COLEC10: variants seen among roughly 807,000 people sequenced by gnomAD.
COLEC10 encodes the protein collectin-10.
A neutral mutation model predicts 28.4 loss-of-function variants in COLEC10; 22 were observed. That is an observed-to-expected ratio of 0.78 (90% confidence interval 0.55 to 1.11). The LOEUF is 1.11. COLEC10 is among the 50% of genes least tolerant of loss of function. The pLI is 0.00. For missense variants in COLEC10, 361 were observed against 344.1 expected, an observed-to-expected ratio of 1.05 and a Z score of -0.39; for synonymous variants, 125 against 116.1, an observed-to-expected ratio of 1.08 and a Z score of -0.49.
chr8:118,973,469 G>A, the COLEC10 span, among the ~76,000 whole-genome samples: 1 of 152,030 alleles, frequency 6.6e-6, no homozygotes. Context: ...CTTTTTGGCT[G>A]TTGGTCGGAG....
intron 1 of COLEC10, among the ~76,000 whole-genome samples, chr8:119,080,692 A>T (rs969458359): frequency 3.3e-5 from 5 of 152,186 alleles, no homozygotes; most frequent in Non-Finnish European, 7.4e-5. Flanking sequence ...AAGGATGTAT[A>T]AAATGAAGAT....
At chr8:119,023,789 T>C (rs1407234470) in intron 2 of COLEC10, among the ~76,000 whole-genome samples, 5 of 152,198 alleles carry the variant, frequency 3.3e-5, no homozygotes, top group African/African-American at 1.2e-4. Flanking sequence ...CTATGAAAGC[T>C]ACAATTGTAT....
chr8:119,051,875 G>T (rs1814681971), intron 2 of COLEC10, among the ~76,000 whole-genome samples: 1 of 152,100 alleles, frequency 6.6e-6, no homozygotes, highest in South Asian at 2.1e-4. Context: ...AGGCTTTGGG[G>T]CTTGAATCCT....
At chr8:119,046,330 C>T (rs776858639) in intron 2 of COLEC10, among the ~76,000 whole-genome samples, 3 of 152,218 alleles carry the variant, frequency 2.0e-5, no homozygotes, top group Non-Finnish European at 2.9e-5. Flanking sequence ...TCCTACTCAA[C>T]GTGTGTCACT....
At chr8:118,953,320 T>A in the COLEC10 span, among the ~76,000 whole-genome samples, 1 of 152,232 alleles carries the variant, frequency 6.6e-6, no homozygotes, top group African/African-American at 2.4e-5. Context: ...TGAATCGTAG[T>A]TTTGACATCT....
At chr8:119,102,538 G>C in intron 4 of COLEC10, 137 bp downstream of exon 4, 1 of 683,208 alleles carries the variant, frequency 1.5e-6, no homozygotes, top group Non-Finnish European at 2.4e-6. Flanking sequence ...TAGAAGAAAG[G>C]GAAGAAGGGG....
rs182928301 is a variant in COLEC10, at chr8:119,098,305, T to A, written c.293-4043T>A. 4.1e-4 allele frequency among the ~76,000 whole-genome samples: 63 copies of A among 152,210 alleles called. 1 individual carries two copies. Among genetic ancestry groups the A allele is most frequent in the African/African-American group, 1.5e-3 (63 of 41,576 alleles). ...ACAAGAAAGGCTCAAGAGTTTTTAG[T>A]ACGATTAGCTGAGCCCCAAAGTGGA... is the stretch of plus-strand genomic sequence containing the variant. On this transcript the variant is annotated intron_variant, in intron 3 of 5. Transcript: ENST00000332843.
intron 1 of COLEC10, among the ~76,000 whole-genome samples, chr8:119,083,038 T>C (rs1428501098): frequency 6.6e-6 from 1 of 152,190 alleles, no homozygotes; most frequent in Non-Finnish European, 1.5e-5. Context: ...GTGTTTGTAC[T>C]AGTAAAGAAA....
intron 1 of COLEC10, among the ~76,000 whole-genome samples, chr8:119,073,953 T>C (rs892444409): frequency 1.4e-4 from 17 of 120,624 alleles, no homozygotes; most frequent in African/African-American, 4.7e-4. Context: ...TATATACACA[T>C]ATATACACAT....
chr8:119,059,103 G>A (rs188759790), intron 2 of COLEC10, among the ~76,000 whole-genome samples: 2 of 151,986 alleles, frequency 1.3e-5, no homozygotes, highest in East Asian at 3.9e-4. Context: ...TTATCATTTA[G>A]CCAAGCACAA....
the COLEC10 span, among the ~76,000 whole-genome samples, chr8:118,963,464 G>T: frequency 6.6e-6 from 1 of 152,130 alleles, no homozygotes; most frequent in Non-Finnish European, 1.5e-5. Context: ...TTCAACTCAA[G>T]GAGCTCTCTC....
chr8:119,093,649 C>T (rs1815655493), intron 3 of COLEC10, among the ~76,000 whole-genome samples: 1 of 152,142 alleles, frequency 6.6e-6, no homozygotes, highest in African/African-American at 2.4e-5. Context: ...AATAGTGCTT[C>T]TTAACATTTT....
the COLEC10 span, among the ~76,000 whole-genome samples, chr8:118,975,849 A>C: frequency 3.3e-5 from 5 of 152,028 alleles, no homozygotes; most frequent in African/African-American, 1.2e-4. Context: ...GGTAGTGTTA[A>C]TTCTGTAAAC....
At chr8:119,042,714 G>A (rs1208083645) in intron 2 of COLEC10, among the ~76,000 whole-genome samples, 1 of 152,174 alleles carries the variant, frequency 6.6e-6, no homozygotes, top group Non-Finnish European at 1.5e-5. Flanking sequence ...AAACTTGGCT[G>A]AGTGATTCAT....
At chr8:119,079,012 C>CGT (rs1815311765) in intron 1 of COLEC10, among the ~76,000 whole-genome samples, 1 of 104,484 alleles carries the variant, frequency 9.6e-6, no homozygotes, top group Non-Finnish European at 2.1e-5. Flanking sequence ...CACACACACA[C>CGT]ACACACACAC....
At chr8:119,097,332 G>T (rs371992436) in intron 3 of COLEC10, among the ~76,000 whole-genome samples, 1 of 151,642 alleles carries the variant, frequency 6.6e-6, no homozygotes, top group African/African-American at 2.4e-5. Context: ...ATCTGACTAC[G>T]TTATCCCTCT....
the COLEC10 span, among the ~76,000 whole-genome samples, chr8:118,953,373 G>C: frequency 7.2e-5 from 11 of 152,196 alleles, no homozygotes; most frequent in Non-Finnish European, 1.3e-4. Flanking sequence ...TGGGACTCAA[G>C]TCAATCCAAG....
the COLEC10 span, among the ~76,000 whole-genome samples, chr8:118,958,694 G>A: frequency 2.6e-5 from 4 of 152,162 alleles, no homozygotes; most frequent in Admixed American, 6.5e-5. Context: ...GAGACCTTTC[G>A]CTGCTCAGTT....
intron 1 of COLEC10, among the ~76,000 whole-genome samples, chr8:119,074,974 G>C (rs1381404793): frequency 6.6e-6 from 1 of 152,208 alleles, no homozygotes; most frequent in Non-Finnish European, 1.5e-5. Flanking sequence ...GCCGCGTAAA[G>C]CTCTTAGCAC....
Sources: allele counts gnomAD v4.1 joint callset (sites outside exome capture counted in the v4.1 genomes callset), GRCh38; gene constraint gnomAD v4.1.1; transcripts MANE v1.5; gene names NCBI Gene and HGNC (gene_info 2026-07-23, HGNC 2026-07-21).